INTS11: variants seen among roughly 807,000 people sequenced by gnomAD.
The protein encoded by INTS11 is integrator complex subunit 11, also known as CPSF3-like protein.
A neutral mutation model predicts 78.6 loss-of-function variants in INTS11; 77 were observed. The observed-to-expected ratio is 0.98, with a 90% CI of 0.81 to 1.18. The LOEUF is 1.18. Ranked by LOEUF, INTS11 falls within the 50% of genes most tolerant of loss-of-function variation. The pLI is 0.00. For synonymous variants in INTS11, 441 were observed against 326.9 expected, an observed-to-expected ratio of 1.35 and a Z score of -3.77; for missense variants, 875 against 825.9, an observed-to-expected ratio of 1.06 and a Z score of -0.73.
chr1:1,318,448 A>G (rs1463220988), intron 4 of INTS11, among the ~76,000 whole-genome samples: 1 of 152,054 alleles, frequency 6.6e-6, no homozygotes, highest in East Asian at 1.9e-4. Flanking sequence ...CCTGGAGCCC[A>G]GCCCAGGAGT....
At chr1:1,315,775 AGGGAGGGAGGGAGGCGGGCAGCGAGGGAG>A (rs1642557571) in intron 4 of INTS11, 157 bp from the exon 5 acceptor site, 1 of 48,726 alleles carries the variant, frequency 2.1e-5, no homozygotes, top group Non-Finnish European at 4.4e-5. Context: ...GGGGGCGGGG[AGGGAGGGAGGGAGGCGGGCAGCGAGGGAG>A]GCAGGGGCAG....
At position 1,312,213 on chromosome 1, in the gene INTS11, G is replaced by GGGGGGGGGGGGGGGCCCCCCCCCC; in HGVS notation, c.1607+12_1607+13insGGGGGGGGGGCCCCCCCCCCCCCC. On this transcript the variant is annotated intron_variant, in intron 15 of 16. Coordinates refer to ENST00000435064, the MANE Select transcript of INTS11 (RefSeq NM_017871.6). The stretch of plus-strand genomic sequence containing the variant: ...CCCAAGGGAGTGGGGGGGGGGCGGG[G>GGGGGGGGGGGGGGGCCCCCCCCCC]CCGGGCGCCCACCTCTTGAGGTGGC... The GGGGGGGGGGGGGGGCCCCCCCCCC allele has an allele frequency of 1.1e-6, 1 of 934,614 alleles. No homozygotes were observed. The highest frequency in any genetic ancestry group is 1.6e-6 in the Non-Finnish European group (1 of 636,662). 57.9% of individuals were successfully genotyped at this position (934,614 alleles called of 1,614,324 possible). A position where few individuals can be genotyped will look rare whatever the true frequency, so the allele number is the denominator to read the frequency against.
Position 1,314,610 on chromosome 1 carries a change from TCGTC to T in INTS11, c.702+210_702+213del, listed in dbSNP as rs1345477631. 1 of 664,840 alleles carries T rather than the reference TCGTC, an allele frequency of 1.5e-6. No individual in the cohort carries two copies. The highest frequency in any genetic ancestry group is 2.5e-6 in the Non-Finnish European group (1 of 396,958). The allele number at this position is 664,840 out of a possible 1,614,324, so 41.2% of individuals were successfully genotyped here. ...AGACAGAAGGAGCCTGGCCAGGGCT[TCGTC>T]CGCACCTGAGGTAGGAGGGAAAAGG... On this transcript the variant is annotated intron_variant, in intron 7 of 16. Transcript: ENST00000435064. The surrounding 1 kb of genome is among the most constrained non-coding windows in gnomAD (Gnocchi z 4.2).
At position 1,320,610 on chromosome 1, in the gene INTS11, C is replaced by T. The variant is rs747084196; in HGVS notation, c.127-81G>A. On this transcript the variant is annotated intron_variant, in intron 2 of 16. Coordinates refer to ENST00000435064, the MANE Select transcript of INTS11 (RefSeq NM_017871.6). ...GCCACCCATGCCCCAGGGAGGGGCC[C>T]CCAGGAAGGGGGGTTCTATGTGCAG... The T allele has an allele frequency of 3.0e-5, 42 of 1,416,334 alleles. No individual in the cohort carries two copies. In the Admixed American group the frequency reaches 6.7e-4, roughly 23 times the overall value. 87.7% of individuals were successfully genotyped at this position (1,416,334 alleles called of 1,614,324 possible). A position where few individuals can be genotyped will look rare whatever the true frequency, so the allele number is the denominator to read the frequency against.
chr1:1,312,202 G>GGGGGGA, intron 15 of INTS11, 24 bp downstream of exon 15: 3 of 1,208,054 alleles, frequency 2.5e-6, no homozygotes, highest in African/African-American at 1.4e-5. Flanking sequence ...AGGGAGTGGG[G>GGGGGGA]GGGGGGCGGG....
intron 1 of INTS11, chr1:1,323,380 C>A: frequency 7.2e-7 from 1 of 1,385,046 alleles, no homozygotes; most frequent in Non-Finnish European, 9.8e-7. Flanking sequence ...CTAATTTTTT[C>A]CTTCTTCACA....
rs1642251957 is a variant in INTS11 at position 1,312,302 on chromosome 1, A to C, written c.1531T>G (p.Phe511Val). The C allele has an allele frequency of 2.6e-6, 4 of 1,550,734 alleles. No homozygotes were observed. The highest frequency in any genetic ancestry group is 3.5e-6 in the Non-Finnish European group (4 of 1,147,270). Residue 511 changes from phenylalanine to valine, a missense_variant, in exon 15 of 17, where the codon TTC becomes GTC. Coordinates refer to ENST00000435064, the MANE Select transcript of INTS11 (RefSeq NM_017871.6). ...ELGLAEHQLRFTCRVHLHDTR... is the reference protein window; with the variant it reads ...ELGLAEHQLRVTCRVHLHDTR... ...TCATGCAGGTGCACGCGGCAGGTGAAGCGCAGCTGGTGCTCAGCCAGACCC... is the reference window on the plus strand; with the variant it reads ...TCATGCAGGTGCACGCGGCAGGTGACGCGCAGCTGGTGCTCAGCCAGACCC...
In INTS11 at chr1:1,311,991, C is replaced by A. The variant is rs200942028; in HGVS notation, c.1737+27G>T. On this transcript the variant is annotated intron_variant, in intron 16 of 16. Transcript: ENST00000435064. ...GAGGAATGTTGATACCTGTGTTGACCGCGGTGGGGTGGGGGTCACCCCTTA... is the reference window on the plus strand; with the variant it reads ...GAGGAATGTTGATACCTGTGTTGACAGCGGTGGGGTGGGGGTCACCCCTTA... 4 of 1,591,206 alleles carry A rather than the reference C, an allele frequency of 2.5e-6. No homozygotes were observed. The African/African-American group carries it at 4.0e-5, about 16-fold the overall frequency.
At chr1:1,319,250 T>C in intron 4 of INTS11, 46 bp downstream of exon 4, 1 of 1,479,780 alleles carries the variant, frequency 6.8e-7, no homozygotes, top group Non-Finnish European at 9.4e-7. Context: ...ATGGTTGGTG[T>C]GGGGGTGGGC....
In INTS11 at chr1:1,312,701, CT is replaced by C. The variant is rs781730758; in HGVS notation, c.1295-2del. On this transcript the variant is annotated splice_acceptor_variant, in intron 12 of 16. Transcript: ENST00000435064. LOFTEE classifies it high-confidence loss of function. The stretch of plus-strand genomic sequence containing the variant: ...TTGGCCGGCATGTAGCAGTTGACCC[CT>C]GGACCCCGGGGGAAGAGAGAGCCTC... 1 of 1,592,776 alleles carries C rather than the reference CT, an allele frequency of 6.3e-7. No individual in the cohort carries two copies. The highest frequency in any genetic ancestry group is 1.1e-5 in the South Asian group (1 of 89,066).
At chr1:1,315,473 C>T in intron 5 of INTS11, 35 bp from the exon 6 acceptor site, 1 of 1,612,834 alleles carries the variant, frequency 6.2e-7, no homozygotes, top group East Asian at 2.2e-5. Context: ...GAGGAGGGTG[C>T]CTCCCACCCC....
chr1:1,321,499 C>T, intron 1 of INTS11, among the ~76,000 whole-genome samples: 1 of 152,232 alleles, frequency 6.6e-6, no homozygotes, highest in South Asian at 2.1e-4. Context: ...ACCAATGAGG[C>T]CACCTTCTCC....
In INTS11 at chr1:1,319,529, G is replaced by A. The variant is rs1446678306; in HGVS notation, c.201-5C>T. The stretch of plus-strand genomic sequence containing the variant: ...CAGTGGTCCAGGTGGAAGTGGCTAG[G>A]GGGACGCAGCACAGGTCAGCCTGGG... On this transcript the variant is annotated splice_polypyrimidine_tract_variant and splice_region_variant and intron_variant, in intron 3 of 16. Coordinates refer to ENST00000435064, the MANE Select transcript of INTS11 (RefSeq NM_017871.6). 6 of 1,565,284 alleles carry A rather than the reference G, an allele frequency of 3.8e-6. No individual in the cohort carries two copies. In the African/African-American group the frequency reaches 8.1e-5, roughly 21 times the overall value.
In INTS11 at chr1:1,320,988, G is replaced by A. The variant is rs373479338; in HGVS notation, c.126+8C>T. ...CCAGCCTCTGGGCCTCCTGCCCAAGGGACTCACGTCGTCATTGAAGCCCAT... is the reference window on the plus strand; with the variant it reads ...CCAGCCTCTGGGCCTCCTGCCCAAGAGACTCACGTCGTCATTGAAGCCCAT... On this transcript the variant is annotated splice_region_variant and intron_variant, in intron 2 of 16. Transcript: ENST00000435064. 1.9e-6 allele frequency: 3 copies of A among 1,611,926 alleles called. No homozygotes were observed. The highest frequency in any genetic ancestry group is 1.7e-6 in the Non-Finnish European group (2 of 1,179,070).
intron 1 of INTS11, 83 bp from the exon 2 acceptor site, chr1:1,321,176 A>G: frequency 9.1e-7 from 1 of 1,096,520 alleles, no homozygotes; most frequent in Non-Finnish European, 1.4e-6. Flanking sequence ...ACCCCAGTGC[A>G]CTGAGGAAAC....
intron 6 of INTS11, chr1:1,315,166 G>A: frequency 1.4e-6 from 1 of 726,570 alleles, no homozygotes; most frequent in Non-Finnish European, 2.2e-6. Flanking sequence ...CACTTCGGAA[G>A]AGCGAGACAG....
In INTS11 at chr1:1,319,348, A is replaced by G. The variant is rs1264281532; in HGVS notation, c.377T>C (p.Ile126Thr). The G allele has an allele frequency of 1.9e-6, 3 of 1,613,280 alleles. No homozygotes were observed. The highest frequency in any genetic ancestry group is 2.5e-6 in the Non-Finnish European group (3 of 1,179,996). The change falls in exon 4 of 17, where the codon ATC (isoleucine) becomes ACC (threonine). Residue 126 changes from isoleucine to threonine, a missense_variant. Transcript: ENST00000435064. ...CACCACCTTCTTCATGCAGTCTTTG[A>G]TCATCTGGGAGGTGAAGAAGTTGGC... ...GEANFFTSQM[I>T]KDCMKKVVAV...
At chr1:1,315,771 G>C (rs894950781) in intron 4 of INTS11, 153 bp from the exon 5 acceptor site, 3 of 75,554 alleles carry the variant, frequency 4.0e-5, no homozygotes, top group African/African-American at 1.3e-4. Context: ...AGGTGGGGGC[G>C]GGGAGGGAGG....
At chr1:1,313,446 TG>T in intron 10 of INTS11, 62 bp downstream of exon 10, 1 of 1,563,994 alleles carries the variant, frequency 6.4e-7, no homozygotes, top group Non-Finnish European at 8.8e-7. Flanking sequence ...AGAGACAGCA[TG>T]GGTGGAAGGA....
Sources: gnomAD v4.1 joint callset for allele counts (sites outside exome capture counted in the v4.1 genomes callset) on GRCh38, gnomAD v4.1.1 for gene constraint, Gnocchi (gnomAD v3.1) non-coding constraint, MANE v1.5 for transcripts, NCBI Gene and HGNC (gene_info 2026-07-23, HGNC 2026-07-21) for gene names.